CTNNA3: variants seen among roughly 807,000 people sequenced by gnomAD.
CTNNA3 encodes catenin alpha-3.
A neutral mutation model predicts 95.7 loss-of-function variants in CTNNA3; 76 were observed. The observed-to-expected ratio is 0.79, with a 90% CI of 0.66 to 0.96. The LOEUF is 0.96. Among genes scored for constraint, CTNNA3 ranks in the 40% least tolerant of loss-of-function variants. The pLI, the probability that CTNNA3 is intolerant of heterozygous loss-of-function variation, is 0.00. For synonymous variants in CTNNA3, 431 were observed against 374.4 expected (o/e 1.15, Z -1.74); for missense variants, 1,191 against 1,089.8 (o/e 1.09, Z -1.31).
At chr10:66,373,426 C>A (rs1288039982) in intron 12 of CTNNA3, among the ~76,000 whole-genome samples, 1 of 152,096 alleles carries the variant, frequency 6.6e-6, no homozygotes, top group East Asian at 1.9e-4. Flanking sequence ...TAAGGTCCCA[C>A]ACTCCTATGG....
intron 9 of CTNNA3, among the ~76,000 whole-genome samples, chr10:66,740,305 A>G (rs1849285575): frequency 6.6e-6 from 1 of 152,180 alleles, no homozygotes. Context: ...CTGAATGACG[A>G]TGCAAAATAT....
intron 13 of CTNNA3, among the ~76,000 whole-genome samples, chr10:66,108,889 T>C (rs1299872748): frequency 6.6e-6 from 1 of 152,178 alleles, no homozygotes; most frequent in African/African-American, 2.4e-5. Context: ...GAATCAATAA[T>C]TCCTTGCCTA....
chr10:66,334,210 G>T (rs2092367776), intron 12 of CTNNA3, among the ~76,000 whole-genome samples: 1 of 151,906 alleles, frequency 6.6e-6, no homozygotes, highest in South Asian at 2.1e-4. Flanking sequence ...TTTAATTGGA[G>T]CATTTAGCCC....
chr10:67,160,433 C>CTTT (rs71006132), intron 7 of CTNNA3, among the ~76,000 whole-genome samples: 17 of 92,762 alleles, frequency 1.8e-4, no homozygotes, highest in East Asian at 5.6e-4. Context: ...TTCATCACAT[C>CTTT]TTTTTTTTTT....
intron 6 of CTNNA3, among the ~76,000 whole-genome samples, chr10:67,214,358 TAA>T (rs764812481): frequency 1.3e-5 from 2 of 151,778 alleles, no homozygotes; most frequent in African/African-American, 2.4e-5. Context: ...ATGCCTAATA[TAA>T]GTCAATATTT....
Position 66,011,835 on chromosome 10 carries a change from C to T in CTNNA3, c.2160-23038G>A, listed in dbSNP as rs138887705. On this transcript the variant is annotated intron_variant, in intron 15 of 17. Transcript: ENST00000433211. Reference sequence around the variant, plus strand: ...CACTTTAGAAAAAGTGATATCACTTCCATGAAGGGTTTTAATTCACCCATA... The same window carrying T: ...CACTTTAGAAAAAGTGATATCACTTTCATGAAGGGTTTTAATTCACCCATA... Among the ~76,000 whole-genome samples, 68 of 152,260 alleles carry T rather than the reference C, an allele frequency of 4.5e-4. No individual in the cohort carries two copies. In the Middle Eastern group the frequency reaches 0.01, roughly 23 times the overall value.
chr10:66,371,533 A>G (rs2092754230), intron 12 of CTNNA3, among the ~76,000 whole-genome samples: 1 of 152,158 alleles, frequency 6.6e-6, no homozygotes, highest in East Asian at 1.9e-4. Context: ...CTGAAGGGCA[A>G]TGTTCTTGGT....
At chr10:66,289,767 A>G (rs1285854731) in intron 12 of CTNNA3, among the ~76,000 whole-genome samples, 1 of 152,074 alleles carries the variant, frequency 6.6e-6, no homozygotes, top group Non-Finnish European at 1.5e-5. Context: ...ATACAAGAAA[A>G]TGAAGTTTTA....
intron 7 of CTNNA3, among the ~76,000 whole-genome samples, chr10:66,985,945 C>T (rs1473010138): frequency 2.6e-5 from 4 of 152,084 alleles, no homozygotes; most frequent in African/African-American, 9.7e-5. Flanking sequence ...CCAGGATGGT[C>T]TCGATCTCCT....
intron 5 of CTNNA3, among the ~76,000 whole-genome samples, chr10:67,404,012 A>G (rs1196997319): frequency 6.6e-6 from 1 of 152,166 alleles, no homozygotes; most frequent in Non-Finnish European, 1.5e-5. Flanking sequence ...AAACGAGCAA[A>G]ACAACAAGAA....
In CTNNA3 at chr10:67,503,282, C is replaced by T. The variant is rs189585721; in HGVS notation, c.579+18560G>A. Among the ~76,000 whole-genome samples the T allele has an allele frequency of 3.6e-3, 546 of 152,244 alleles. 8 individuals carry two copies. Among genetic ancestry groups the T allele is most frequent in the African/African-American group, 0.013 (523 of 41,538 alleles). On this transcript the variant is annotated intron_variant, in intron 5 of 17. Transcript: ENST00000433211. ...AATGCCCCACCCTGCTTTGGCTCAC[C>T]CTCTGTGGGCTGCACTCACTGTCTA...
intron 12 of CTNNA3, among the ~76,000 whole-genome samples, chr10:66,359,072 G>C (rs1352902947): frequency 6.6e-6 from 1 of 152,150 alleles, no homozygotes; most frequent in African/African-American, 2.4e-5. Context: ...TATCCTCACA[G>C]CAAGTAAATA....
intron 16 of CTNNA3, among the ~76,000 whole-genome samples, chr10:65,974,507 A>G (rs1021755920): frequency 2.6e-5 from 4 of 152,140 alleles, no homozygotes; most frequent in East Asian, 1.9e-4. Flanking sequence ...CTCAAATACC[A>G]TATGTTCTTA....
chr10:66,577,297 G>A (rs1044155184), intron 10 of CTNNA3, among the ~76,000 whole-genome samples: 1 of 151,912 alleles, frequency 6.6e-6, no homozygotes, highest in Non-Finnish European at 1.5e-5. Flanking sequence ...TCTATTGATA[G>A]TTTCTTTTAT....
chr10:66,605,486 T>G (rs1022477273), intron 10 of CTNNA3, among the ~76,000 whole-genome samples: 2 of 152,056 alleles, frequency 1.3e-5, no homozygotes, highest in African/African-American at 4.8e-5. Flanking sequence ...CACAAGAAGA[T>G]CGCTCCAAGA....
chr10:67,481,808 C>A (rs565866574), intron 5 of CTNNA3, among the ~76,000 whole-genome samples: 148 of 152,272 alleles, frequency 9.7e-4, no homozygotes, highest in African/African-American at 3.3e-3. Flanking sequence ...GTGTTTTAGA[C>A]ATGAAGTCCT....
intron 7 of CTNNA3, among the ~76,000 whole-genome samples, chr10:67,111,272 C>T (rs527649850): frequency 1.4e-3 from 211 of 152,184 alleles, no homozygotes; most frequent in Non-Finnish European, 2.8e-3. Flanking sequence ...TTATAGAGTG[C>T]TAATAGCTCA....
At chr10:67,669,339 ATATAG>A (rs1335610476) in intron 1 of CTNNA3, among the ~76,000 whole-genome samples, 1 of 152,162 alleles carries the variant, frequency 6.6e-6, no homozygotes, top group East Asian at 1.9e-4. Context: ...AGAGATACAG[ATATAG>A]TAACCTGTCC....
intron 1 of CTNNA3, among the ~76,000 whole-genome samples, chr10:67,754,171 G>C (rs1181710695): frequency 6.6e-6 from 1 of 152,134 alleles, no homozygotes; most frequent in East Asian, 1.9e-4. Context: ...GCAGGGAGAT[G>C]GATGGAGCTA....
Sources: allele counts gnomAD v4.1 joint callset (sites outside exome capture counted in the v4.1 genomes callset), GRCh38; gene constraint gnomAD v4.1.1; transcripts MANE v1.5; gene names NCBI Gene and HGNC (gene_info 2026-07-23, HGNC 2026-07-21).